The following LILRA1 variants were observed in gnomAD, a reference collection of about 807,000 sequenced individuals.
LILRA1 encodes leukocyte immunoglobulin-like receptor subfamily A member 1.
Under a neutral mutation model 51.6 loss-of-function variants are expected in LILRA1, and 51 were observed. The ratio of observed to expected loss-of-function variants is 0.99; its 90% CI spans 0.79 to 1.25. The LOEUF (loss-of-function observed/expected upper bound fraction) is 1.25. Ranked by LOEUF, LILRA1 falls within the 50% of genes most tolerant of loss-of-function variation. The pLI, the probability that LILRA1 is intolerant of heterozygous loss-of-function variation, is 0.00. For synonymous variants in LILRA1, 305 were observed against 248.4 expected (o/e 1.23, Z -2.14); for missense variants, 660 against 611.7 (o/e 1.08, Z -0.83).
At chr19:54,598,941 G>C (rs377361042) in intron 7 of LILRA1, among the ~76,000 whole-genome samples, 1 of 151,876 alleles carries the variant, frequency 6.6e-6, no homozygotes. Flanking sequence ...GATTACAGGC[G>C]CCCGCCACCA....
chr19:54,593,844 G>T lies in LILRA1; in HGVS notation c.-49+63G>T. The stretch of plus-strand genomic sequence containing the variant: ...AGGAGGGAGGGTGACCATGTGGGAG[G>T]CTGTGAGAAGGAAAGGGAAGCCTCC... On this transcript the variant is annotated intron_variant, in intron 1 of 9. Transcript: ENST00000251372. 10 of 830,816 alleles carry T rather than the reference G, an allele frequency of 1.2e-5. No homozygotes were observed. In the South Asian group the frequency reaches 1.2e-4, roughly 10 times the overall value. The allele number at this position is 830,816 out of a possible 1,614,324, so 51.5% of individuals were successfully genotyped here.
intron 7 of LILRA1, among the ~76,000 whole-genome samples, chr19:54,596,794 G>A (rs2063068549): frequency 6.6e-6 from 1 of 152,122 alleles, no homozygotes; most frequent in Admixed American, 6.5e-5. Context: ...ATGAACCTGG[G>A]AGGCGGAGCT....
In LILRA1 at chr19:54,596,304, C is replaced by G; in HGVS notation, c.1074C>G (p.Thr358=). 1 of 1,614,072 alleles carries G rather than the reference C, an allele frequency of 6.2e-7. No individual in the cohort carries two copies. Among genetic ancestry groups the G allele is most frequent in the Non-Finnish European group, 8.5e-7 (1 of 1,180,010 alleles). Residue 358 remains threonine (T), a synonymous_variant, in exon 7 of 10, where the codon ACC becomes ACG. Transcript: ENST00000251372. The part of the protein sequence containing the change: ...SWGPFHTFLL[T]KAGAADAPLR... ...GGCCGTTCCACACTTTCCTTCTGAC[C>G]AAGGCGGGAGCAGCTGATGCCCCCC...
intron 5 of LILRA1, 109 bp downstream of exon 5, chr19:54,595,511 G>A (rs537620942): frequency 1.2e-5 from 18 of 1,540,280 alleles, no homozygotes; most frequent in East Asian, 2.3e-5. Context: ...ATGTTGGGGC[G>A]AGAGGGCTCA....
Position 54,594,840 on chromosome 19 carries a change from G to A in LILRA1, c.246G>A (p.Gln82=). ...RIPQEIVKKG[Q]FPIPSITWEH... is the part of the protein sequence containing the mutation. ...CACAGGAGATTGTGAAGAAGGGCCAGTTCCCCATCCCATCCATCACCTGGG... is the reference window on the plus strand; with the variant it reads ...CACAGGAGATTGTGAAGAAGGGCCAATTCCCCATCCCATCCATCACCTGGG... Residue 82 remains glutamine (Q), a synonymous_variant, in exon 4 of 10, where the codon CAG becomes CAA. Coordinates refer to ENST00000251372, the MANE Select transcript of LILRA1 (RefSeq NM_006863.4). 2 of 1,614,172 alleles carry A rather than the reference G, an allele frequency of 1.2e-6. No homozygotes were observed. Among genetic ancestry groups the A allele is most frequent in the Non-Finnish European group, 1.7e-6 (2 of 1,180,004 alleles).
At chr19:54,595,424 C>T (rs763089408) in intron 5 of LILRA1, 22 bp downstream of exon 5, 1 of 1,590,126 alleles carries the variant, frequency 6.3e-7, no homozygotes, top group African/African-American at 1.3e-5. Context: ...ACAGCATTGC[C>T]TGGAGTTCCC....
Position 54,595,933 on chromosome 19 carries a change from C to G in LILRA1, c.956C>G (p.Ala319Gly). ...APSDPLDILI[A>G]GQFRGRPFIS... ...AGCGACCCCCTGGACATCCTGATCG[C>G]AGGTGAGGAGCCCAGCGGGTTCAGT... Residue 319 changes from alanine (A) to glycine (G), a missense_variant and splice_region_variant, in exon 6 of 10, where the codon GCA becomes GGA. Physicochemically the swap from Ala to Gly is moderately conservative, Grantham distance 60. Transcript: ENST00000251372. The G allele has an allele frequency of 6.2e-7, 1 of 1,612,360 alleles. No individual in the cohort carries two copies.
In LILRA1 at chr19:54,594,813, C is replaced by G; in HGVS notation, c.219C>G (p.Ile73Met). The G allele has an allele frequency of 6.2e-7, 1 of 1,614,132 alleles. No homozygotes were observed. The highest frequency in any genetic ancestry group is 8.5e-7 in the Non-Finnish European group (1 of 1,179,990). Residue 73 changes from isoleucine (I) to methionine (M), a missense_variant, in exon 4 of 10, where the codon ATC (isoleucine) becomes ATG (methionine). Transcript: ENST00000251372. Reference protein sequence around the residue: ...EKKTAPWITRIPQEIVKKGQF... With the variant: ...EKKTAPWITRMPQEIVKKGQF... ...AAACAGCACCCTGGATTACACGGAT[C>G]CCACAGGAGATTGTGAAGAAGGGCC...
chr19:54,600,664 C>T (rs771945601), intron 9 of LILRA1, 35 bp from the exon 10 acceptor site: 1 of 1,613,420 alleles, frequency 6.2e-7, no homozygotes, highest in South Asian at 1.1e-5. Context: ...TTGATCTGCC[C>T]TGACCTCTGT....
At position 54,594,187 on chromosome 19, in the gene LILRA1, G is replaced by A; in HGVS notation, c.-48-10G>A. The A allele has an allele frequency of 1.2e-6, 2 of 1,611,496 alleles. No homozygotes were observed. Among genetic ancestry groups the A allele is most frequent in the Non-Finnish European group, 1.7e-6 (2 of 1,178,638 alleles). On this transcript the variant is annotated splice_polypyrimidine_tract_variant and intron_variant, in intron 1 of 9. Coordinates refer to ENST00000251372, the MANE Select transcript of LILRA1 (RefSeq NM_006863.4). ...AGGCTATTTCTCTCTGTGTGTCTCT[G>A]TCCTGCCAGCACCGAGGGCTCATCC...
rs530091525 is a variant in LILRA1, at chr19:54,593,691, C to G, written c.-139C>G. On this transcript the variant is annotated 5_prime_UTR_variant, in exon 1 of 10. Transcript: ENST00000251372. ...TCAACCTGAGCTACACAGCCAGATG[C>G]GAGATGCTTCTCTGCTGATCTGAGT... 6.2e-6 allele frequency: 3 copies of G among 487,246 alleles called. No homozygotes were observed. The highest frequency in any genetic ancestry group is 1.2e-5 in the Non-Finnish European group (3 of 255,540). 30.2% of individuals were successfully genotyped at this position (487,246 alleles called of 1,614,324 possible).
At chr19:54,597,394 C>T (rs2063081997) in intron 7 of LILRA1, among the ~76,000 whole-genome samples, 1 of 152,088 alleles carries the variant, frequency 6.6e-6, no homozygotes, top group African/African-American at 2.4e-5. Context: ...CTTTCCCCCT[C>T]CCCGAGCAGG....
At chr19:54,600,154 C>T (rs561115455) in intron 8 of LILRA1, among the ~76,000 whole-genome samples, 1 of 152,084 alleles carries the variant, frequency 6.6e-6, no homozygotes, top group African/African-American at 2.4e-5. Context: ...AGCCTGGGTC[C>T]TCCGCTGGTG....
intron 4 of LILRA1, 48 bp from the exon 5 acceptor site, chr19:54,595,052 A>G (rs1395742443): frequency 6.3e-7 from 1 of 1,595,372 alleles, no homozygotes; most frequent in South Asian, 1.1e-5. Context: ...CTGGGGATGA[A>G]GTGGGAGGTG....
chr19:54,597,226 G>T (rs548927584), intron 7 of LILRA1, among the ~76,000 whole-genome samples: 1 of 152,106 alleles, frequency 6.6e-6, no homozygotes, highest in Admixed American at 6.5e-5. Flanking sequence ...CTAATATTCA[G>T]GGTCTGATTT....
chr19:54,598,857 G>A (rs1224875330), intron 7 of LILRA1, among the ~76,000 whole-genome samples: 2 of 152,140 alleles, frequency 1.3e-5, no homozygotes, highest in East Asian at 3.9e-4. Context: ...GTGCAGTGGT[G>A]AAATCTTGGC....
In LILRA1 at chr19:54,594,550, A is replaced by G. The variant is rs192774454; in HGVS notation, c.70+74A>G. 7.1e-4 allele frequency: 1,142 copies of G among 1,613,542 alleles called. 10 individuals are homozygous for G. In the East Asian group the frequency reaches 0.022, roughly 32 times the overall value. On this transcript the variant is annotated intron_variant, in intron 3 of 9. Coordinates refer to ENST00000251372, the MANE Select transcript of LILRA1 (RefSeq NM_006863.4). ...AGGGGCCACCCCCGTGCAGCTGGGGATGGGGAATAGCAGTTCTGGACTGAC... is the reference window on the plus strand; with the variant it reads ...AGGGGCCACCCCCGTGCAGCTGGGGGTGGGGAATAGCAGTTCTGGACTGAC...
chr19:54,595,774 T>G lies in LILRA1; in HGVS notation c.797T>G (p.Leu266Arg). The G allele has an allele frequency of 6.2e-7, 1 of 1,614,146 alleles. No homozygotes were observed. Among genetic ancestry groups the G allele is most frequent in the African/African-American group, 1.3e-5 (1 of 75,026 alleles). The change falls in exon 6 of 10, where the codon CTC becomes CGC. Residue 266 changes from leucine (L) to arginine (R), a missense_variant. Leu to Arg is a moderately radical substitution (Grantham distance 102). Coordinates refer to ENST00000251372, the MANE Select transcript of LILRA1 (RefSeq NM_006863.4). The part of the protein sequence containing the change: ...VLYKEGERDF[L>R]QLPGPQPQAG... Reference sequence around the variant, plus strand: ...TATAAGGAGGGAGAACGTGACTTCCTCCAGCTCCCTGGCCCACAGCCCCAG... The same window carrying G: ...TATAAGGAGGGAGAACGTGACTTCCGCCAGCTCCCTGGCCCACAGCCCCAG...
At chr19:54,599,513 T>C in intron 8 of LILRA1, 1 of 1,200,484 alleles carries the variant, frequency 8.3e-7, no homozygotes, top group Non-Finnish European at 1.1e-6. Flanking sequence ...ATATTCATTG[T>C]ATTTCATGCT....
Sources: gnomAD v4.1 joint callset for allele counts (sites outside exome capture counted in the v4.1 genomes callset) on GRCh38, gnomAD v4.1.1 for gene constraint, MANE v1.5 for transcripts, NCBI Gene and HGNC (gene_info 2026-07-23, HGNC 2026-07-21) for gene names.